Variants in VIL1 observed in about 807,000 individuals in gnomAD.
VIL1 encodes villin-1.
VIL1 carries 86 observed loss-of-function variants against 104.0 expected under a neutral mutation model. The ratio of observed to expected loss-of-function variants is 0.83; its 90% CI spans 0.69 to 0.99. VIL1 has a LOEUF of 0.99. Among genes scored for constraint, VIL1 ranks in the 50% least tolerant of loss-of-function variants. The probability of loss-of-function intolerance (pLI) is 0.00; values close to 1 mark genes in which losing one functional copy is unlikely to be tolerated. For synonymous variants in VIL1, 394 were observed against 412.6 expected, an observed-to-expected ratio of 0.95 and a Z score of 0.55; for missense variants, 944 against 1,054.1, an observed-to-expected ratio of 0.90 and a Z score of 1.45.
chr2:218,431,830 T>C (rs1465432101), intron 10 of VIL1, 27 bp from the exon 11 acceptor site: 1 of 1,597,210 alleles, frequency 6.3e-7, no homozygotes, highest in South Asian at 1.1e-5. Context: ...CTGGTGACAG[T>C]TGGTTTCATG....
intron 6 of VIL1, 126 bp downstream of exon 6, chr2:218,428,463 G>C (rs924348249): frequency 3.9e-6 from 3 of 776,242 alleles, no homozygotes; most frequent in Non-Finnish European, 6.6e-6. Flanking sequence ...GTCTCCATGT[G>C]TTTGGTGCAG....
chr2:218,431,787 TC>T, intron 10 of VIL1, 69 bp from the exon 11 acceptor site: 1 of 1,292,864 alleles, frequency 7.7e-7, no homozygotes, highest in South Asian at 1.3e-5. Flanking sequence ...TAGCCACCAT[TC>T]AGGGCTGTTG....
At chr2:218,432,623 A>G (rs915234520) in intron 12 of VIL1, 170 bp from the exon 13 acceptor site, 6 of 937,468 alleles carry the variant, frequency 6.4e-6, no homozygotes, top group Non-Finnish European at 9.9e-6. Flanking sequence ...ATCAGAACTG[A>G]GGTATGGTTC....
chr2:218,432,076 C>A lies in VIL1; in HGVS notation c.1234C>A (p.Pro412Thr). Residue 412 changes from proline (P) to threonine (T), a missense_variant, in exon 12 of 20, where the codon CCT becomes ACT. Coordinates refer to ENST00000248444, the MANE Select transcript of VIL1 (RefSeq NM_007127.3). The part of the protein sequence containing the change: ...VWRIENLELV[P>T]VDSKWLGHFY... ...GCGCATTGAGAACCTAGAGCTGGTA[C>A]CTGTGGATTCCAAGTGGCTAGGCCA... The A allele has an allele frequency of 6.2e-7, 1 of 1,614,120 alleles. No individual in the cohort carries two copies. The highest frequency in any genetic ancestry group is 2.2e-5 in the East Asian group (1 of 44,872).
chr2:218,447,735 G>C (rs1689389813), intron 19 of VIL1, among the ~76,000 whole-genome samples: 1 of 150,726 alleles, frequency 6.6e-6, no homozygotes, highest in Admixed American at 6.6e-5. Flanking sequence ...AACATACTTT[G>C]TTTTGTTTTT....
chr2:218,435,537 CTGTG>C, intron 15 of VIL1, 103 bp downstream of exon 15: 1 of 1,454,058 alleles, frequency 6.9e-7, no homozygotes, highest in Non-Finnish European at 9.2e-7. Context: ...ACTGAGGACT[CTGTG>C]TGTCAGGCAC....
chr2:218,431,805 C>T, intron 10 of VIL1, 52 bp from the exon 11 acceptor site: 3 of 1,497,130 alleles, frequency 2.0e-6, no homozygotes, highest in Non-Finnish European at 2.8e-6. Context: ...GTTGTGAGGA[C>T]CTGGGAGACC....
At position 218,450,382 on chromosome 2, in the gene VIL1, G is replaced by A. The variant is rs1042132461; in HGVS notation, c.*1046G>A. On this transcript the variant is annotated 3_prime_UTR_variant, in exon 20 of 20. Transcript: ENST00000248444. ...CTGCTAAAACACAGATAAAAGTGCC[G>A]CTCCATACAAAACATAAAGAATCAG... 1 of 152,498 alleles carries A rather than the reference G, an allele frequency of 6.6e-6. No homozygotes were observed. Among genetic ancestry groups the A allele is most frequent in the African/African-American group, 2.4e-5 (1 of 41,418 alleles). 9.4% of individuals were successfully genotyped at this position (152,498 alleles called of 1,614,324 possible).
In VIL1 at chr2:218,435,357, A is replaced by C. The variant is rs1166381570; in HGVS notation, c.1749A>C (p.Gln583His). The C allele has an allele frequency of 6.2e-7, 1 of 1,614,036 alleles. No individual in the cohort carries two copies. The highest frequency in any genetic ancestry group is 2.2e-5 in the East Asian group (1 of 44,868). Residue 583 changes from glutamine (Q) to histidine (H), a missense_variant, in exon 15 of 20, where the codon CAA becomes CAC. Coordinates refer to ENST00000248444, the MANE Select transcript of VIL1 (RefSeq NM_007127.3). ...ACACCATCTCCCGGACGGAGAAGCA[A>C]GTGGTGGTGGAAGGGCAGGAGCCAG... ...VADTISRTEK[Q>H]VVVEGQEPAN...
At position 218,451,425 on chromosome 2, in the gene VIL1, C is replaced by T. The variant is rs1404932239; in HGVS notation, c.*2089C>T. On this transcript the variant is annotated 3_prime_UTR_variant, in exon 20 of 20. Transcript: ENST00000248444. ...CCTCCAACCACCCTAAATGGGATAA[C>T]TAAGAGTATCTACTGCAGTCATTTC... The T allele has an allele frequency of 6.6e-6, 1 of 152,104 alleles. No individual in the cohort carries two copies. The highest frequency in any genetic ancestry group is 1.5e-5 in the Non-Finnish European group (1 of 68,008). The allele number at this position is 152,104 out of a possible 1,614,324, so 9.4% of individuals were successfully genotyped here. A position where few individuals can be genotyped will look rare whatever the true frequency, so the allele number is the denominator to read the frequency against.
intron 2 of VIL1, 105 bp downstream of exon 2, chr2:218,423,958 T>C (rs1465821217): frequency 9.0e-6 from 12 of 1,327,856 alleles, no homozygotes; most frequent in Non-Finnish European, 1.3e-5. Context: ...GCTCCTGCCC[T>C]GAAGCCCCTG....
At chr2:218,439,763 G>A (rs1689255991) in intron 18 of VIL1, among the ~76,000 whole-genome samples, 1 of 142,986 alleles carries the variant, frequency 7.0e-6, no homozygotes, top group Non-Finnish European at 1.5e-5. Context: ...GTTGCAGTTA[G>A]CTGAAATTGT....
rs1457213225 is a variant in VIL1 at position 218,429,899 on chromosome 2, G to A, written c.900G>A (p.Gly300=). ...QGGLKIYVWK[G]KKANEQEKKG... The stretch of plus-strand genomic sequence containing the variant: ...GCCTGAAGATCTACGTGTGGAAAGG[G>A]AAGAAAGCCAATGAGCAGGAGAAGA... Residue 300 remains glycine (G), a synonymous_variant, in exon 9 of 20, where the codon GGG becomes GGA. Coordinates refer to ENST00000248444, the MANE Select transcript of VIL1 (RefSeq NM_007127.3). 1 of 1,549,018 alleles carries A rather than the reference G, an allele frequency of 6.5e-7. No individual in the cohort carries two copies. The highest frequency in any genetic ancestry group is 8.8e-7 in the Non-Finnish European group (1 of 1,139,926).
chr2:218,437,385 C>A, intron 17 of VIL1, 73 bp downstream of exon 17: 1 of 1,543,748 alleles, frequency 6.5e-7, no homozygotes, highest in Non-Finnish European at 8.8e-7. Flanking sequence ...GCAGGCCATT[C>A]TGTCTCTTTG....
At chr2:218,434,814 C>T (rs921334816) in intron 14 of VIL1, 109 bp downstream of exon 14, 2 of 1,228,124 alleles carry the variant, frequency 1.6e-6, no homozygotes, top group East Asian at 4.9e-5. Context: ...CTAAGTTGTG[C>T]CTGCTCAATT....
At position 218,424,299 on chromosome 2, in the gene VIL1, C is replaced by T. The variant is rs769427100; in HGVS notation, c.98C>T (p.Pro33Leu). Residue 33 changes from proline to leucine, a missense_variant, in exon 3 of 20, where the codon CCT becomes CTT. By Grantham distance (98) the Pro-to-Leu change is moderately conservative. Coordinates refer to ENST00000248444, the MANE Select transcript of VIL1 (RefSeq NM_007127.3). The part of the protein sequence containing the change: ...RIEAMQMVPV[P>L]SSTFGSFFDG... ...TAGGCCATGCAGATGGTGCCTGTTC[C>T]TTCCAGCACCTTTGGAAGCTTCTTC... 3 of 1,614,070 alleles carry T rather than the reference C, an allele frequency of 1.9e-6. No individual in the cohort carries two copies. In the East Asian group the frequency reaches 6.7e-5, roughly 36 times the overall value.
chr2:218,422,726 C>T (rs973671411), intron 1 of VIL1, among the ~76,000 whole-genome samples: 4 of 152,202 alleles, frequency 2.6e-5, no homozygotes, highest in African/African-American at 9.6e-5. Context: ...GGAGGCCTGA[C>T]CTGTCGGCCA....
intron 6 of VIL1, 45 bp from the exon 7 acceptor site, chr2:218,429,240 C>T: frequency 6.4e-7 from 1 of 1,572,868 alleles, no homozygotes. Flanking sequence ...GACACTGCCT[C>T]ATTCCCCGAC....
chr2:218,432,029 C>G lies in VIL1; in HGVS notation c.1204-17C>G, dbSNP rs745924435. On this transcript the variant is annotated splice_polypyrimidine_tract_variant and intron_variant, in intron 11 of 19. Transcript: ENST00000248444. ...GAGCCTGTCCTGGACCTCACCCTGG[C>G]CTGATACTGGCCCTAGGTGTGGCGC... 2.5e-6 allele frequency: 4 copies of G among 1,614,054 alleles called. No individual in the cohort carries two copies. The South Asian group carries it at 4.4e-5, about 18-fold the overall frequency.
Sources: gnomAD v4.1 joint callset for allele counts (sites outside exome capture counted in the v4.1 genomes callset) on GRCh38, gnomAD v4.1.1 for gene constraint, MANE v1.5 for transcripts, NCBI Gene and HGNC (gene_info 2026-07-23, HGNC 2026-07-21) for gene names.